TMEM45A: variants seen among roughly 807,000 people sequenced by gnomAD.
TMEM45A encodes DNA polymerase-transactivated protein 4.
In TMEM45A, 25 loss-of-function variants were observed where a neutral mutation model predicts 32.0. The ratio of observed to expected loss-of-function variants is 0.78; its 90% confidence interval spans 0.57 to 1.09. The LOEUF (loss-of-function observed/expected upper bound fraction) is 1.09. Among genes scored for constraint, TMEM45A ranks in the 50% least tolerant of loss-of-function variants. The pLI is 0.00. For missense variants in TMEM45A, 302 were observed against 325.0 expected, an observed-to-expected ratio of 0.93 and a Z score of 0.54; for synonymous variants, 122 against 114.8, an observed-to-expected ratio of 1.06 and a Z score of -0.40.
intron 5 of TMEM45A, chr3:100,573,336 C>T (rs1055279295): frequency 2.0e-5 from 3 of 151,848 alleles, no homozygotes; most frequent in African/African-American, 4.8e-5. Flanking sequence ...AAGTTGGATT[C>T]CTAGGTATTT....
chr3:100,574,394 AT>A (rs1390483376), intron 5 of TMEM45A: 1 of 152,244 alleles, frequency 6.6e-6, no homozygotes, highest in Non-Finnish European at 1.5e-5. Context: ...AAACTAGAAA[AT>A]CCTGAAGAAA....
At chr3:100,576,553 G>A (rs183490285) in intron 5 of TMEM45A, among the ~76,000 whole-genome samples, 16 of 152,206 alleles carry the variant, frequency 1.1e-4, no homozygotes, top group Admixed American at 2.6e-4. Flanking sequence ...CTGGGAGGTG[G>A]AGGTTGCAGT....
chr3:100,555,504 T>C, intron 2 of TMEM45A, 103 bp downstream of exon 2: 2 of 1,233,954 alleles, frequency 1.6e-6, no homozygotes, highest in Non-Finnish European at 2.2e-6. Context: ...ATTGTTCTGA[T>C]CTCTGAAAGA....
At chr3:100,508,721 G>A (rs1708113034) in intron 1 of TMEM45A, among the ~76,000 whole-genome samples, 1 of 151,968 alleles carries the variant, frequency 6.6e-6, no homozygotes, top group Non-Finnish European at 1.5e-5. Context: ...AGGAAACCCT[G>A]TTCAATAAGT....
At chr3:100,527,040 A>G (rs1272723389) in intron 1 of TMEM45A, among the ~76,000 whole-genome samples, 1 of 152,174 alleles carries the variant, frequency 6.6e-6, no homozygotes, top group African/African-American at 2.4e-5. Context: ...TAAAATTATA[A>G]TATATATGCT....
Position 100,497,531 on chromosome 3 carries a change from C to T in TMEM45A, c.-4+4603C>T, listed in dbSNP as rs552095919. 1.5e-3 allele frequency among the ~76,000 whole-genome samples: 233 copies of T among 152,284 alleles called. 1 individual carries two copies. The highest frequency in any genetic ancestry group is 5.5e-3 in the African/African-American group (227 of 41,552). ...CATTTTTCATCTTCCCAAACTGAAACTTAATACTCATTAAACAATAAATCC... is the reference window on the plus strand; with the variant it reads ...CATTTTTCATCTTCCCAAACTGAAATTTAATACTCATTAAACAATAAATCC... On this transcript the variant is annotated intron_variant, in intron 1 of 5. Transcript: ENST00000323523.
chr3:100,544,684 G>A (rs6771774), intron 1 of TMEM45A, among the ~76,000 whole-genome samples: 24,637 of 152,112 alleles, frequency 0.16, 6,694 homozygotes, highest in African/African-American at 0.56. Context: ...GTTTTTGCAT[G>A]TATCAGTAAT....
intron 1 of TMEM45A, among the ~76,000 whole-genome samples, chr3:100,523,702 C>T (rs1450776479): frequency 1.3e-5 from 2 of 149,844 alleles, no homozygotes; most frequent in Non-Finnish European, 3.0e-5. Context: ...TCTCCTTCTC[C>T]TCCTCCTCCT....
chr3:100,541,432 CT>C (rs1363254573), intron 1 of TMEM45A, among the ~76,000 whole-genome samples: 1 of 151,488 alleles, frequency 6.6e-6, no homozygotes, highest in East Asian at 1.9e-4. Context: ...GCTTCATAGG[CT>C]TTCTTCTAGG....
chr3:100,493,669 A>C lies in TMEM45A; in HGVS notation c.-4+741A>C, dbSNP rs138091719. Among the ~76,000 whole-genome samples, 378 of 152,154 alleles carry C rather than the reference A, an allele frequency of 2.5e-3. 4 individuals carry two copies. The highest frequency in any genetic ancestry group is 8.3e-3 in the African/African-American group (345 of 41,486). Reference sequence around the variant, plus strand: ...ATGTATACACTATGCTATATGGTGTATATGCTCTATGTATGCTATATAGTA... The same window carrying C: ...ATGTATACACTATGCTATATGGTGTCTATGCTCTATGTATGCTATATAGTA... On this transcript the variant is annotated intron_variant, in intron 1 of 5. Transcript: ENST00000323523.
chr3:100,505,389 A>G (rs188719219), intron 1 of TMEM45A, among the ~76,000 whole-genome samples: 176 of 151,064 alleles, frequency 1.2e-3, no homozygotes, highest in African/African-American at 3.5e-3. Flanking sequence ...GCCTATTCCA[A>G]TGATTTTTGG....
chr3:100,498,933 G>A (rs182103234), intron 1 of TMEM45A, among the ~76,000 whole-genome samples: 11 of 152,226 alleles, frequency 7.2e-5, no homozygotes, highest in Non-Finnish European at 8.8e-5. Context: ...CTAATGTGTG[G>A]GAAGCATCTT....
chr3:100,533,479 C>G (rs1202424848), intron 1 of TMEM45A, among the ~76,000 whole-genome samples: 5 of 152,062 alleles, frequency 3.3e-5, no homozygotes, highest in Admixed American at 6.5e-5. Context: ...CCAGCTCCAG[C>G]CTTTCTGATT....
At chr3:100,541,524 C>CTTTTTTTTTT (rs61341173) in intron 1 of TMEM45A, among the ~76,000 whole-genome samples, 3 of 111,268 alleles carry the variant, frequency 2.7e-5, no homozygotes, top group Non-Finnish European at 5.3e-5. Context: ...CTTTTCTTTC[C>CTTTTTTTTTT]TTTTTTTTTT....
At chr3:100,576,711 A>G (rs933787840) in intron 5 of TMEM45A, among the ~76,000 whole-genome samples, 4 of 152,254 alleles carry the variant, frequency 2.6e-5, no homozygotes, top group African/African-American at 9.6e-5. Flanking sequence ...GATGCAATAC[A>G]TTGGAAAACC....
intron 1 of TMEM45A, among the ~76,000 whole-genome samples, chr3:100,536,840 G>A (rs1303161540): frequency 6.6e-6 from 1 of 152,152 alleles, no homozygotes. Flanking sequence ...CCAAACCCTG[G>A]CCCCACACCC....
chr3:100,519,724 C>A, intron 1 of TMEM45A: 3 of 1,069,716 alleles, frequency 2.8e-6, no homozygotes, highest in Non-Finnish European at 4.1e-6. Context: ...TGACATTGTG[C>A]AAGTAACTTA....
rs1220543425 is a variant in TMEM45A, at chr3:100,493,125, T to A, written c.-4+197T>A. Reference sequence around the variant, plus strand: ...AATTTTTTTGGTTTGCTATTCTTTTTTTTTTTTTTTTTTTTTTGGTGAGCT... The same window carrying A: ...AATTTTTTTGGTTTGCTATTCTTTTATTTTTTTTTTTTTTTTTGGTGAGCT... On this transcript the variant is annotated intron_variant, in intron 1 of 5. Transcript: ENST00000323523. Among the ~76,000 whole-genome samples, 104 of 93,966 alleles carry A rather than the reference T, an allele frequency of 1.1e-3. 4 individuals are homozygous for A. The highest frequency in any genetic ancestry group is 1.5e-3 in the African/African-American group (52 of 34,402). The allele number at this position is 93,966 out of a possible 152,430, so 61.6% of individuals were successfully genotyped here.
rs150055986 is a variant in TMEM45A, at chr3:100,494,566, G to A, written c.-4+1638G>A. ...GAACCCAAGAGACAGAGATTGCAGT[G>A]AGCCAAGATCACGCCACTGCACTCC... is the stretch of plus-strand genomic sequence containing the variant. On this transcript the variant is annotated intron_variant, in intron 1 of 5. Transcript: ENST00000323523. 5.6e-3 allele frequency among the ~76,000 whole-genome samples: 846 copies of A among 152,046 alleles called. 10 individuals are homozygous for A. The highest frequency in any genetic ancestry group is 0.019 in the African/African-American group (789 of 41,464).
Sources: allele counts gnomAD v4.1 joint callset (sites outside exome capture counted in the v4.1 genomes callset), GRCh38; gene constraint gnomAD v4.1.1; transcripts MANE v1.5; gene names NCBI Gene and HGNC (gene_info 2026-07-23, HGNC 2026-07-21).